CACNA1A: variants seen among roughly 807,000 people sequenced by gnomAD.
CACNA1A encodes calcium voltage-gated channel subunit alpha1 A.
In CACNA1A, 57 loss-of-function variants were observed where a neutral mutation model predicts 262.4. The ratio of observed to expected loss-of-function variants is 0.22; its 90% CI spans 0.18 to 0.27. The LOEUF (loss-of-function observed/expected upper bound fraction) is 0.27, where lower values mean the gene tolerates loss of function less well. Ranked by LOEUF, CACNA1A falls within the 10% of genes least tolerant of loss-of-function variation. The probability of loss-of-function intolerance (pLI) is 1.00; values close to 1 mark genes in which losing one functional copy is unlikely to be tolerated. For synonymous variants in CACNA1A, 1,431 were observed against 1,419.3 expected (o/e 1.01, Z -0.18); for missense variants, 2,526 against 3,562.8 (o/e 0.71, Z 7.41).
At chr19:13,314,991 G>A (rs2058097215) in intron 11 of CACNA1A, among the ~76,000 whole-genome samples, 1 of 152,032 alleles carries the variant, frequency 6.6e-6, no homozygotes, top group African/African-American at 2.4e-5. Context: ...CAGTTACCAT[G>A]GAAACATGAT....
At chr19:13,237,111 C>T (rs2055903084) in intron 31 of CACNA1A, among the ~76,000 whole-genome samples, 1 of 152,130 alleles carries the variant, frequency 6.6e-6, no homozygotes, top group Non-Finnish European at 1.5e-5. Context: ...ACATGATCTC[C>T]AGTTTTCCAG....
Position 13,309,251 on chromosome 19 carries a change from G to A in CACNA1A, c.1669-723C>T, listed in dbSNP as rs532614277. 1.7e-4 allele frequency among the ~76,000 whole-genome samples: 26 copies of A among 151,666 alleles called. No homozygotes were observed. In the South Asian group the frequency reaches 3.3e-3, roughly 19 times the overall value. On this transcript the variant is annotated intron_variant, in intron 12 of 46. Coordinates refer to ENST00000360228, the MANE Select transcript of CACNA1A (RefSeq NM_001127222.2). ...TCTCGAACTCCTGACCTCGTGATCCGCCTGCCTCGGCCTCCCAAAGTGCTG... is the reference window on the plus strand; with the variant it reads ...TCTCGAACTCCTGACCTCGTGATCCACCTGCCTCGGCCTCCCAAAGTGCTG...
chr19:13,323,044 G>A (rs2145079762), intron 10 of CACNA1A, among the ~76,000 whole-genome samples: 1 of 152,268 alleles, frequency 6.6e-6, no homozygotes, highest in South Asian at 2.1e-4. Context: ...GGCCAAGGAG[G>A]GCAGATCATT....
chr19:13,474,486 G>T (rs568684116), intron 1 of CACNA1A, among the ~76,000 whole-genome samples: 20 of 152,278 alleles, frequency 1.3e-4, no homozygotes, highest in Admixed American at 1.2e-3. Flanking sequence ...AGGCAAAGGG[G>T]AGGTGGGAAA....
intron 38 of CACNA1A, among the ~76,000 whole-genome samples, chr19:13,215,550 C>A (rs2054978088): frequency 6.6e-6 from 1 of 151,672 alleles, no homozygotes; most frequent in African/African-American, 2.4e-5. Flanking sequence ...AACTCCTGAC[C>A]TCAGGTGATC....
chr19:13,353,792 T>C (rs1031862145), intron 6 of CACNA1A, among the ~76,000 whole-genome samples: 1 of 152,168 alleles, frequency 6.6e-6, no homozygotes, highest in Non-Finnish European at 1.5e-5. Flanking sequence ...GAGAATGCTG[T>C]TTCCAAAACA....
intron 25 of CACNA1A, 125 bp downstream of exon 25, chr19:13,262,609 C>T (rs1244610674): frequency 9.1e-6 from 6 of 661,216 alleles, no homozygotes; most frequent in African/African-American, 1.8e-5. Context: ...TATCCATACA[C>T]GATGGCTAGG....
At chr19:13,345,186 T>G (rs2058742336) in intron 6 of CACNA1A, among the ~76,000 whole-genome samples, 1 of 152,194 alleles carries the variant, frequency 6.6e-6, no homozygotes, top group Non-Finnish European at 1.5e-5. Context: ...CTTTTTGGGC[T>G]GATGAAATAC....
intron 9 of CACNA1A, among the ~76,000 whole-genome samples, chr19:13,332,625 C>A (rs1418669478): frequency 6.6e-6 from 1 of 152,082 alleles, no homozygotes; most frequent in Non-Finnish European, 1.5e-5. Flanking sequence ...TTGTTTATAT[C>A]ATACCCATTT....
At chr19:13,432,427 A>C (rs1037534077) in intron 3 of CACNA1A, among the ~76,000 whole-genome samples, 7 of 149,522 alleles carry the variant, frequency 4.7e-5, no homozygotes, top group African/African-American at 1.7e-4. Flanking sequence ...AAATAAATAA[A>C]TAAATAAATA....
At chr19:13,406,465 T>TTATATATATATA (rs61273249) in intron 3 of CACNA1A, among the ~76,000 whole-genome samples, 7 of 31,548 alleles carry the variant, frequency 2.2e-4, no homozygotes, top group Non-Finnish European at 4.5e-4. Context: ...AAAAAAAAAA[T>TTATATATATATA]TATATATATA....
At chr19:13,374,113 G>GACTGAAAGAGGGCTTGGC (rs1437674534) in intron 3 of CACNA1A, among the ~76,000 whole-genome samples, 1 of 152,186 alleles carries the variant, frequency 6.6e-6, no homozygotes, top group South Asian at 2.1e-4. Context: ...GAGAGCTTGG[G>GACTGAAAGAGGGCTTGGC]ACTGAAAGAG....
chr19:13,242,681 T>C (rs2056111088), intron 31 of CACNA1A, among the ~76,000 whole-genome samples: 1 of 152,226 alleles, frequency 6.6e-6, no homozygotes, highest in South Asian at 2.1e-4. Context: ...ATTCTTGGTC[T>C]GTTTTGTTTG....
rs1328468374 is a variant in CACNA1A at position 13,235,927 on chromosome 19, G to A, written c.4951-197C>T. The A allele has an allele frequency of 7.7e-6, 4 of 520,662 alleles. No homozygotes were observed. The East Asian group carries it at 1.2e-4, about 16-fold the overall frequency. The allele number at this position is 520,662 out of a possible 1,614,324, so 32.3% of individuals were successfully genotyped here. ...TCGAAAAAGGAATAATGTTGGGAGA[G>A]AGAGGGTGGGAGGGAGGAAAAGGCA... On this transcript the variant is annotated intron_variant, in intron 31 of 46. Transcript: ENST00000360228.
rs780908964 is a variant in CACNA1A at position 13,294,487 on chromosome 19, C to CTTTTTTTTTTTTTTTTT, written c.3089+4040_3089+4056dup. Among the ~76,000 whole-genome samples the CTTTTTTTTTTTTTTTTT allele has an allele frequency of 7.6e-4, 55 of 72,524 alleles. 9 individuals are homozygous for CTTTTTTTTTTTTTTTTT. Among genetic ancestry groups the CTTTTTTTTTTTTTTTTT allele is most frequent in the African/African-American group, 2.9e-3 (44 of 15,308 alleles). The allele number at this position is 72,524 out of a possible 152,430, so 47.6% of individuals were successfully genotyped here. The stretch of plus-strand genomic sequence containing the variant: ...TACAGGTGCATACCACTGTACCTGG[C>CTTTTTTTTTTTTTTTTT]TTTTTTTTTTTTTTTTTTTTTTTGA... On this transcript the variant is annotated intron_variant, in intron 19 of 46. Coordinates refer to ENST00000360228, the MANE Select transcript of CACNA1A (RefSeq NM_001127222.2).
At chr19:13,478,042 G>A (rs1978771014) in intron 1 of CACNA1A, among the ~76,000 whole-genome samples, 1 of 152,004 alleles carries the variant, frequency 6.6e-6, no homozygotes, top group South Asian at 2.1e-4. Context: ...ACAAATCTTC[G>A]TCTCTCTGTT....
chr19:13,289,135 A>G (rs914407971), intron 19 of CACNA1A, among the ~76,000 whole-genome samples: 24 of 142,080 alleles, frequency 1.7e-4, no homozygotes, highest in African/African-American at 6.1e-4. Context: ...GAATCTCGGC[A>G]ATGTCTTTTT....
intron 3 of CACNA1A, among the ~76,000 whole-genome samples, chr19:13,384,100 G>A (rs2059567675): frequency 6.6e-6 from 1 of 152,180 alleles, no homozygotes; most frequent in African/African-American, 2.4e-5. Flanking sequence ...ATAGGCGTGA[G>A]CCACCATGCC....
Position 13,492,315 on chromosome 19 carries a change from T to C in CACNA1A, c.293+13617A>G, listed in dbSNP as rs577028815. On this transcript the variant is annotated intron_variant, in intron 1 of 46. Transcript: ENST00000360228. ...CCACAGAGATCTGGAAAATGCTCTA[T>C]GTCTTAAGTCACCAAAGAAATGCAC... Among the ~76,000 whole-genome samples the C allele has an allele frequency of 2.0e-5, 3 of 152,286 alleles. No individual in the cohort carries two copies. In the South Asian group the frequency reaches 6.2e-4, roughly 32 times the overall value.
Sources: gnomAD v4.1 joint callset for allele counts (sites outside exome capture counted in the v4.1 genomes callset) on GRCh38, gnomAD v4.1.1 for gene constraint, MANE v1.5 for transcripts, NCBI Gene and HGNC (gene_info 2026-07-23, HGNC 2026-07-21) for gene names.